The following OVOL2 variants were observed in gnomAD, a reference collection of about 807,000 sequenced individuals.
The protein encoded by OVOL2 is ovo like zinc finger 2, also known as transcription factor Ovo-like 2.
A neutral mutation model predicts 18.1 loss-of-function variants in OVOL2; 13 were observed. The ratio of observed to expected loss-of-function variants is 0.72; its 90% CI spans 0.47 to 1.14. OVOL2 has a LOEUF of 1.14. Among genes scored for constraint, OVOL2 ranks in the 50% most tolerant of loss-of-function variants. OVOL2 has a pLI of 0.00. For missense variants in OVOL2, 335 were observed against 383.0 expected (o/e 0.87, Z 1.05); for synonymous variants, 166 against 162.7 (o/e 1.02, Z -0.16).
chr20:18,056,556 C>A lies in OVOL2; in HGVS notation c.321+101G>T. ...GGCGGGCGCGCTCGGGGCGCGGGTGCCGGGTTGCGCAGGCGGGCGCGGCAG... is the reference window on the plus strand; with the variant it reads ...GGCGGGCGCGCTCGGGGCGCGGGTGACGGGTTGCGCAGGCGGGCGCGGCAG... On this transcript the variant is annotated intron_variant, in intron 2 of 3. Transcript: ENST00000278780. The surrounding 1 kb of genome is among the most constrained non-coding windows in gnomAD (Gnocchi z 4.2). The A allele has an allele frequency of 1.7e-6, 2 of 1,178,062 alleles. No homozygotes were observed. Among genetic ancestry groups the A allele is most frequent in the Admixed American group, 4.7e-5 (1 of 21,402 alleles). The allele number at this position is 1,178,062 out of a possible 1,614,324, so 73.0% of individuals were successfully genotyped here.
chr20:18,056,983 G>A lies in OVOL2; in HGVS notation c.101-106C>T. Reference sequence around the variant, plus strand: ...GCTGCCGCCGCCCCGCCCCGGACCTGGGCACCTCGCCAAGTGGGCAACGTC... The same window carrying A: ...GCTGCCGCCGCCCCGCCCCGGACCTAGGCACCTCGCCAAGTGGGCAACGTC... On this transcript the variant is annotated intron_variant, in intron 1 of 3. Transcript: ENST00000278780. The surrounding 1 kb of genome is among the most constrained non-coding windows in gnomAD (Gnocchi z 4.2). The A allele has an allele frequency of 7.7e-7, 1 of 1,305,082 alleles. No homozygotes were observed. The highest frequency in any genetic ancestry group is 9.9e-7 in the Non-Finnish European group (1 of 1,012,780). 80.8% of individuals were successfully genotyped at this position (1,305,082 alleles called of 1,614,324 possible).
At chr20:18,047,469 C>T (rs926155580) in intron 2 of OVOL2, among the ~76,000 whole-genome samples, 2 of 148,894 alleles carry the variant, frequency 1.3e-5, no homozygotes, top group East Asian at 1.9e-4. Context: ...GAAATTGTGC[C>T]GTTGCACTCC....
chr20:18,041,164 C>CTT (rs113914015), intron 3 of OVOL2, among the ~76,000 whole-genome samples: 1 of 151,162 alleles, frequency 6.6e-6, no homozygotes, highest in African/African-American at 2.4e-5. Flanking sequence ...TGTGATCTTT[C>CTT]TTTTTTTTTC....
In OVOL2 at chr20:18,057,444, G is replaced by C; in HGVS notation, c.100+91C>G. On this transcript the variant is annotated intron_variant, in intron 1 of 3. Coordinates refer to ENST00000278780, the MANE Select transcript of OVOL2 (RefSeq NM_021220.4). The surrounding 1 kb of genome is among the most constrained non-coding windows in gnomAD (Gnocchi z 6.3). ...CCGGAAGAGGGGGATGAGGTGGGGA[G>C]CCCGCCCCTGCCGATGAGCAGAGAA... 1 of 1,424,046 alleles carries C rather than the reference G, an allele frequency of 7.0e-7. No homozygotes were observed. Among genetic ancestry groups the C allele is most frequent in the Non-Finnish European group, 9.5e-7 (1 of 1,052,450 alleles). The allele number at this position is 1,424,046 out of a possible 1,614,324, so 88.2% of individuals were successfully genotyped here.
intron 3 of OVOL2, among the ~76,000 whole-genome samples, chr20:18,034,653 A>T (rs200325378): frequency 0.33 from 43,963 of 131,724 alleles, 6,819 homozygotes; most frequent in African/African-American, 0.47. Context: ...TCTCTCTCTC[A>T]CACACACACA....
At chr20:18,030,970 G>C (rs770382084) in intron 3 of OVOL2, among the ~76,000 whole-genome samples, 1 of 152,158 alleles carries the variant, frequency 6.6e-6, no homozygotes, top group Non-Finnish European at 1.5e-5. Context: ...TCAGGGGGAC[G>C]TGGGTGGCCA....
chr20:18,058,173 C>A (rs1331227290), upstream of OVOL2, among the ~76,000 whole-genome samples: 2 of 152,260 alleles, frequency 1.3e-5, no homozygotes, highest in East Asian at 3.9e-4. Flanking sequence ...TCCCAGGGCA[C>A]CCCTCCGGTG....
intron 3 of OVOL2, among the ~76,000 whole-genome samples, chr20:18,039,043 C>T (rs2036645498): frequency 6.6e-6 from 1 of 152,196 alleles, no homozygotes; most frequent in Non-Finnish European, 1.5e-5. Flanking sequence ...AGCCATATAA[C>T]CAGACCCAAA....
chr20:18,041,521 A>G lies in OVOL2; in HGVS notation c.511+13T>C, dbSNP rs370339227. 6.3e-7 allele frequency: 1 copy of G among 1,599,486 alleles called. No individual in the cohort carries two copies. The highest frequency in any genetic ancestry group is 1.3e-5 in the African/African-American group (1 of 74,528). On this transcript the variant is annotated intron_variant, in intron 3 of 3. Coordinates refer to ENST00000278780, the MANE Select transcript of OVOL2 (RefSeq NM_021220.4). ...TAACAAAACAGAGAACAAAGCACGC[A>G]CTCCCCGCTCACCTGTGTGTGTGCG...
intron 3 of OVOL2, among the ~76,000 whole-genome samples, chr20:18,037,478 T>C (rs934815994): frequency 1.3e-5 from 2 of 152,250 alleles, no homozygotes; most frequent in Non-Finnish European, 2.9e-5. Flanking sequence ...GCTGTGTTAC[T>C]CTCTGAAGGG....
At chr20:18,046,203 T>C (rs958918131) in intron 2 of OVOL2, among the ~76,000 whole-genome samples, 1 of 152,236 alleles carries the variant, frequency 6.6e-6, no homozygotes, top group Non-Finnish European at 1.5e-5. Flanking sequence ...CTTTGTAAAT[T>C]CCTAAACATG....
At chr20:18,033,962 A>G (rs2036592754) in intron 3 of OVOL2, among the ~76,000 whole-genome samples, 1 of 152,204 alleles carries the variant, frequency 6.6e-6, no homozygotes, top group Non-Finnish European at 1.5e-5. Flanking sequence ...TGTTTTTCAC[A>G]GGCTATGAAC....
chr20:18,045,612 C>T (rs1237143642), intron 2 of OVOL2, among the ~76,000 whole-genome samples: 2 of 152,152 alleles, frequency 1.3e-5, no homozygotes, highest in East Asian at 3.8e-4. Flanking sequence ...ATCATCTGAT[C>T]AAGACATAGA....
At chr20:18,041,466 T>C in intron 3 of OVOL2, 68 bp downstream of exon 3, 1 of 1,535,094 alleles carries the variant, frequency 6.5e-7, no homozygotes, top group Admixed American at 1.8e-5. Flanking sequence ...GGTTTTTTGG[T>C]GGGAAAGAAA....
chr20:18,053,790 A>G (rs917144813), intron 2 of OVOL2, among the ~76,000 whole-genome samples: 2 of 151,140 alleles, frequency 1.3e-5, no homozygotes, highest in African/African-American at 4.9e-5. Context: ...GAGCACCCAT[A>G]TTTCTTGGCT....
chr20:18,040,926 G>C (rs1353436425), intron 3 of OVOL2, among the ~76,000 whole-genome samples: 2 of 152,206 alleles, frequency 1.3e-5, no homozygotes, highest in African/African-American at 4.8e-5. Context: ...AGAACCAAGG[G>C]GCTGAGCTGT....
chr20:18,033,359 G>T (rs571705257), intron 3 of OVOL2, among the ~76,000 whole-genome samples: 2 of 152,292 alleles, frequency 1.3e-5, no homozygotes, highest in East Asian at 3.9e-4. Flanking sequence ...CCCAGGAATG[G>T]CATGAGCCCT....
chr20:18,031,672 C>T (rs1429865169), intron 3 of OVOL2, among the ~76,000 whole-genome samples: 2 of 152,128 alleles, frequency 1.3e-5, no homozygotes, highest in Non-Finnish European at 2.9e-5. Flanking sequence ...TACTTTTGTA[C>T]GTGTTACTTA....
At chr20:18,052,837 T>C (rs907499556) in intron 2 of OVOL2, among the ~76,000 whole-genome samples, 4 of 152,216 alleles carry the variant, frequency 2.6e-5, no homozygotes, top group African/African-American at 9.6e-5. Context: ...GTATGAATAC[T>C]ATCAGCCAAC....
Sources: gnomAD v4.1 joint callset for allele counts (sites outside exome capture counted in the v4.1 genomes callset) on GRCh38, gnomAD v4.1.1 for gene constraint, Gnocchi (gnomAD v3.1) non-coding constraint, MANE v1.5 for transcripts, NCBI Gene and HGNC (gene_info 2026-07-23, HGNC 2026-07-21) for gene names.